Variants in TMEM132D observed in about 807,000 individuals in gnomAD.
TMEM132D encodes the protein mature OL transmembrane protein.
Under a neutral mutation model 62.3 loss-of-function variants are expected in TMEM132D, and 21 were observed. The observed-to-expected ratio is 0.34, with a 90% confidence interval of 0.24 to 0.49. The LOEUF is 0.49. TMEM132D is among the 20% of genes least tolerant of loss of function. TMEM132D has a pLI of 0.99. For missense variants in TMEM132D, 1,346 were observed against 1,402.8 expected (o/e 0.96, Z 0.65); for synonymous variants, 621 against 575.6 (o/e 1.08, Z -1.13).
intron 5 of TMEM132D, among the ~76,000 whole-genome samples, chr12:129,153,409 TGCTCTGAA>T (rs1877136043): frequency 6.6e-6 from 1 of 151,730 alleles, no homozygotes; most frequent in African/African-American, 2.4e-5. Context: ...TGGGAATAAA[TGCTCTGAA>T]GGTTTTGCCG....
intron 1 of TMEM132D, among the ~76,000 whole-genome samples, chr12:129,802,242 T>G (rs1455958384): frequency 7.1e-6 from 1 of 141,450 alleles, no homozygotes; most frequent in Admixed American, 7.2e-5. Context: ...ATTGTCAGAT[T>G]CACCAAAGTT....
rs1466508103 is a variant in TMEM132D, at chr12:129,336,516, G to A, written c.1299+1118C>T. On this transcript the variant is annotated intron_variant, in intron 4 of 8. Coordinates refer to ENST00000422113, the MANE Select transcript of TMEM132D (RefSeq NM_133448.3). ...AACCCCGGACGGCAAAGGTTGCAGT[G>A]AGCCAAGATCGCACCACCGCACTCC... Among the ~76,000 whole-genome samples, 3 of 151,714 alleles carry A rather than the reference G, an allele frequency of 2.0e-5. 1 individual carries two copies.
intron 1 of TMEM132D, among the ~76,000 whole-genome samples, chr12:129,703,465 C>CT (rs11392426): frequency 0.64 from 94,448 of 147,558 alleles, 30,011 homozygotes; most frequent in East Asian, 0.77. Flanking sequence ...CACTTCCTTT[C>CT]TTTTTTTTTT....
At chr12:129,330,369 G>A (rs1190630053) in intron 4 of TMEM132D, among the ~76,000 whole-genome samples, 1 of 152,186 alleles carries the variant, frequency 6.6e-6, no homozygotes, top group East Asian at 1.9e-4. Flanking sequence ...AGGTTTAGGT[G>A]GGTGCTAAGG....
intron 1 of TMEM132D, among the ~76,000 whole-genome samples, chr12:129,766,134 G>A (rs1479194006): frequency 6.6e-6 from 1 of 152,062 alleles, no homozygotes; most frequent in African/African-American, 2.4e-5. Context: ...AGTTGAAATG[G>A]GGTGGCTGCT....
chr12:129,196,649 C>A (rs886179620), intron 5 of TMEM132D, among the ~76,000 whole-genome samples: 1 of 152,088 alleles, frequency 6.6e-6, no homozygotes, highest in Non-Finnish European at 1.5e-5. Flanking sequence ...CTAGACTAAC[C>A]TAAGATATAG....
intron 3 of TMEM132D, among the ~76,000 whole-genome samples, chr12:129,450,532 C>A (rs1391295451): frequency 6.6e-6 from 1 of 151,962 alleles, no homozygotes; most frequent in African/African-American, 2.4e-5. Context: ...CATGAAATTT[C>A]AAGTAAGAGT....
intron 3 of TMEM132D, among the ~76,000 whole-genome samples, chr12:129,396,197 C>T (rs1480919764): frequency 6.6e-6 from 1 of 151,964 alleles, no homozygotes; most frequent in Non-Finnish European, 1.5e-5. Context: ...CATAAACACA[C>T]TTACGTAAAG....
chr12:129,811,554 A>G (rs543261454), intron 1 of TMEM132D, among the ~76,000 whole-genome samples: 1 of 151,706 alleles, frequency 6.6e-6, no homozygotes, highest in South Asian at 2.1e-4. Context: ...TCCTGACCAA[A>G]TCCCAGGGCC....
intron 2 of TMEM132D, among the ~76,000 whole-genome samples, chr12:129,633,992 G>A (rs986334638): frequency 3.3e-5 from 5 of 152,074 alleles, no homozygotes; most frequent in African/African-American, 7.2e-5. Flanking sequence ...ATATATCTCC[G>A]TGTTGCGGAG....
chr12:129,448,573 C>A (rs1263761885), intron 3 of TMEM132D, among the ~76,000 whole-genome samples: 2 of 152,198 alleles, frequency 1.3e-5, no homozygotes, highest in Admixed American at 1.3e-4. Flanking sequence ...TTTTTCAAAG[C>A]TGCATGGTAT....
In TMEM132D at chr12:129,651,970, A is replaced by G. The variant is rs188425496; in HGVS notation, c.968+47840T>C. ...CTGACAACCTACTTAGAAGACGCCT[A>G]GAAGGTAACCTTTAGTCCCAGGCAA... is the stretch of plus-strand genomic sequence containing the variant. On this transcript the variant is annotated intron_variant, in intron 2 of 8. Coordinates refer to ENST00000422113, the MANE Select transcript of TMEM132D (RefSeq NM_133448.3). Among the ~76,000 whole-genome samples the G allele has an allele frequency of 5.9e-5, 9 of 152,338 alleles. No individual in the cohort carries two copies. The East Asian group carries it at 1.7e-3, about 29-fold the overall frequency.
At chr12:129,770,771 T>C (rs549767498) in intron 1 of TMEM132D, among the ~76,000 whole-genome samples, 1 of 152,178 alleles carries the variant, frequency 6.6e-6, no homozygotes, top group South Asian at 2.1e-4. Context: ...TATAATAAAG[T>C]CTTGAATAGC....
At chr12:129,590,136 C>T (rs894444692) in intron 2 of TMEM132D, among the ~76,000 whole-genome samples, 18 of 151,920 alleles carry the variant, frequency 1.2e-4, no homozygotes, top group African/African-American at 3.4e-4. Context: ...TTTTTCATTC[C>T]TCTCCAAACC....
intron 3 of TMEM132D, among the ~76,000 whole-genome samples, chr12:129,443,449 C>T (rs952198809): frequency 1.3e-5 from 2 of 152,172 alleles, no homozygotes; most frequent in East Asian, 3.9e-4. Flanking sequence ...AAGATAAAAG[C>T]TGAGTTTGGT....
intron 4 of TMEM132D, among the ~76,000 whole-genome samples, chr12:129,313,614 T>C (rs975418219): frequency 6.6e-6 from 1 of 151,992 alleles, no homozygotes; most frequent in Non-Finnish European, 1.5e-5. Flanking sequence ...TGTTGATTGA[T>C]GGGCATTTGG....
chr12:129,096,907 G>A (rs909268284), intron 5 of TMEM132D, among the ~76,000 whole-genome samples: 3 of 151,972 alleles, frequency 2.0e-5, no homozygotes, highest in African/African-American at 4.8e-5. Flanking sequence ...CTGGGTCAGA[G>A]GAAATAATGC....
intron 2 of TMEM132D, among the ~76,000 whole-genome samples, chr12:129,611,530 T>C (rs66717177): frequency 0.18 from 27,174 of 152,144 alleles, 3,100 homozygotes; most frequent in Admixed American, 0.32. Flanking sequence ...TAAGTGTAAG[T>C]AGCTTAGCAC....
chr12:129,621,663 A>T (rs1256327330), intron 2 of TMEM132D, among the ~76,000 whole-genome samples: 1 of 152,250 alleles, frequency 6.6e-6, no homozygotes, highest in Non-Finnish European at 1.5e-5. Context: ...AAAGAGCGAC[A>T]TGTTAACTAT....
Sources: gnomAD v4.1 joint callset for allele counts (sites outside exome capture counted in the v4.1 genomes callset) on GRCh38, gnomAD v4.1.1 for gene constraint, MANE v1.5 for transcripts, NCBI Gene and HGNC (gene_info 2026-07-23, HGNC 2026-07-21) for gene names.